BANK1: variants seen among roughly 807,000 people sequenced by gnomAD.
BANK1 encodes the protein B-cell scaffold protein with ankyrin repeats.
BANK1 carries 95 observed loss-of-function variants against 94.5 expected under a neutral mutation model. The observed-to-expected ratio is 1.00, with a 90% CI of 0.85 to 1.19. The LOEUF (loss-of-function observed/expected upper bound fraction) is 1.19. Among genes scored for constraint, BANK1 ranks in the 50% most tolerant of loss-of-function variants. The pLI, the probability that BANK1 is intolerant of heterozygous loss-of-function variation, is 0.00. For synonymous variants in BANK1, 334 were observed against 308.4 expected (o/e 1.08, Z -0.87); for missense variants, 987 against 932.2 (o/e 1.06, Z -0.77).
At position 101,982,413 on chromosome 4, in the gene BANK1, T is replaced by A. The variant is rs1725352381; in HGVS notation, c.1207-39101T>A. Among the ~76,000 whole-genome samples, 4 of 152,020 alleles carry A rather than the reference T, an allele frequency of 2.6e-5. No homozygotes were observed. The South Asian group carries it at 8.3e-4, about 32-fold the overall frequency. ...TATTAGTGGCCTGAAATGCCTATCA[T>A]TATGAAGTTTAGTAGAGAATTCTTT... On this transcript the variant is annotated intron_variant, in intron 7 of 16. Transcript: ENST00000322953.
At position 101,860,758 on chromosome 4, in the gene BANK1, G is replaced by A. The variant is rs192224508; in HGVS notation, c.625-1768G>A. On this transcript the variant is annotated intron_variant, in intron 3 of 16. Transcript: ENST00000322953. ...GAGTGAGGAATCTCCTGTGTCAGAA[G>A]CAGTCATGAGTTGGGAGTCGGTTGG... Among the ~76,000 whole-genome samples the A allele has an allele frequency of 2.0e-5, 3 of 152,270 alleles. No homozygotes were observed. The East Asian group carries it at 5.8e-4, about 29-fold the overall frequency.
intron 15 of BANK1, among the ~76,000 whole-genome samples, chr4:102,072,682 T>C (rs1578494190): frequency 6.6e-6 from 1 of 152,326 alleles, no homozygotes; most frequent in South Asian, 2.1e-4. Context: ...TATCAATACA[T>C]GTGTTTTAAC....
chr4:101,921,499 T>A (rs1722996564), intron 7 of BANK1, among the ~76,000 whole-genome samples: 1 of 151,958 alleles, frequency 6.6e-6, no homozygotes, highest in East Asian at 1.9e-4. Context: ...CTTTGAGATT[T>A]AAGATAAAGT....
chr4:101,974,802 A>T (rs1725071377), intron 7 of BANK1, among the ~76,000 whole-genome samples: 1 of 151,994 alleles, frequency 6.6e-6, no homozygotes, highest in Non-Finnish European at 1.5e-5. Flanking sequence ...ACAAAAAAAA[A>T]AAAAATTAGC....
chr4:101,793,719 A>T (rs1725066344), intron 1 of BANK1, among the ~76,000 whole-genome samples: 1 of 152,206 alleles, frequency 6.6e-6, no homozygotes, highest in Non-Finnish European at 1.5e-5. Context: ...TTTATTAAAA[A>T]GCAAAATCCA....
chr4:101,923,951 T>C (rs1723076655), intron 7 of BANK1, among the ~76,000 whole-genome samples: 1 of 151,810 alleles, frequency 6.6e-6, no homozygotes. Context: ...AAAGAGCTCA[T>C]ACACAACTTA....
At chr4:101,941,529 G>A (rs1302771936) in intron 7 of BANK1, among the ~76,000 whole-genome samples, 2 of 151,716 alleles carry the variant, frequency 1.3e-5, no homozygotes, top group African/African-American at 2.4e-5. Context: ...TCTTATATGA[G>A]TTATGTTGAC....
chr4:101,951,726 A>G (rs924698260), intron 7 of BANK1, among the ~76,000 whole-genome samples: 12 of 152,106 alleles, frequency 7.9e-5, no homozygotes, highest in Non-Finnish European at 1.8e-4. Flanking sequence ...CCAAAACTGC[A>G]TATGAAGCAA....
chr4:101,950,849 C>T (rs1724124141), intron 7 of BANK1, among the ~76,000 whole-genome samples: 1 of 152,118 alleles, frequency 6.6e-6, no homozygotes, highest in African/African-American at 2.4e-5. Flanking sequence ...GGTGGCTCCA[C>T]CATTGAGGTC....
chr4:101,808,688 C>A (rs1725643008), intron 1 of BANK1, among the ~76,000 whole-genome samples: 1 of 151,694 alleles, frequency 6.6e-6, no homozygotes, highest in South Asian at 2.1e-4. Flanking sequence ...AAAAAGGGGG[C>A]AAAGGACATG....
At chr4:102,004,086 T>C (rs1451063125) in intron 7 of BANK1, among the ~76,000 whole-genome samples, 2 of 152,058 alleles carry the variant, frequency 1.3e-5, no homozygotes, top group African/African-American at 2.4e-5. Flanking sequence ...TATAATCACC[T>C]GGCCTGTTAT....
chr4:102,013,831 A>T (rs1726602276), intron 7 of BANK1, among the ~76,000 whole-genome samples: 1 of 152,132 alleles, frequency 6.6e-6, no homozygotes, highest in Non-Finnish European at 1.5e-5. Flanking sequence ...TCATATTAAA[A>T]AATAGGGCAA....
chr4:101,855,764 T>C (rs907481788), intron 3 of BANK1, among the ~76,000 whole-genome samples: 1 of 152,140 alleles, frequency 6.6e-6, no homozygotes, highest in Non-Finnish European at 1.5e-5. Flanking sequence ...ATATTTTCAA[T>C]GAAGAAACAT....
At chr4:101,898,823 A>T (rs1304753647) in intron 6 of BANK1, among the ~76,000 whole-genome samples, 1 of 151,960 alleles carries the variant, frequency 6.6e-6, no homozygotes, top group African/African-American at 2.4e-5. Context: ...TAGACAATAC[A>T]CTCATGTTTT....
intron 5 of BANK1, among the ~76,000 whole-genome samples, chr4:101,884,147 C>A (rs1259512893): frequency 6.6e-6 from 1 of 152,138 alleles, no homozygotes; most frequent in Non-Finnish European, 1.5e-5. Flanking sequence ...GAAAATGTAA[C>A]TTCTAAGAAT....
rs556568284 is a variant in BANK1, at chr4:101,893,385, C to T, written c.904-1920C>T. ...TAACTCTATGCCACATCAATCTCTA[C>T]CCACTAGATTTTGTATATTTTTAAA... On this transcript the variant is annotated intron_variant, in intron 5 of 16. Coordinates refer to ENST00000322953, the MANE Select transcript of BANK1 (RefSeq NM_017935.5). Among the ~76,000 whole-genome samples, 87 of 152,030 alleles carry T rather than the reference C, an allele frequency of 5.7e-4. No homozygotes were observed. In the Middle Eastern group the frequency reaches 0.017, roughly 30 times the overall value.
At chr4:101,936,934 T>C (rs1371279469) in intron 7 of BANK1, among the ~76,000 whole-genome samples, 1 of 151,650 alleles carries the variant, frequency 6.6e-6, no homozygotes, top group Non-Finnish European at 1.5e-5. Context: ...AGCTACCATA[T>C]GATCCAGCAA....
chr4:101,923,035 G>T (rs1723049021), intron 7 of BANK1, among the ~76,000 whole-genome samples: 2 of 151,740 alleles, frequency 1.3e-5, no homozygotes, highest in Non-Finnish European at 2.9e-5. Context: ...GCCAGGTCTG[G>T]ATTTTAAACC....
At chr4:101,844,739 A>G (rs1727181544) in intron 2 of BANK1, among the ~76,000 whole-genome samples, 1 of 152,236 alleles carries the variant, frequency 6.6e-6, no homozygotes, top group African/African-American at 2.4e-5. Context: ...TGAGGATTAA[A>G]TATGATTATG....
Sources: allele counts gnomAD v4.1 joint callset (sites outside exome capture counted in the v4.1 genomes callset), GRCh38; gene constraint gnomAD v4.1.1; transcripts MANE v1.5; gene names NCBI Gene and HGNC (gene_info 2026-07-23, HGNC 2026-07-21).